Variants in FAM124A observed in about 807,000 individuals in gnomAD.
FAM124A encodes protein FAM124A.
In FAM124A, 23 loss-of-function variants were observed where a neutral mutation model predicts 24.5. The ratio of observed to expected loss-of-function variants is 0.94; its 90% CI spans 0.68 to 1.33. FAM124A has a LOEUF of 1.33. Among genes scored for constraint, FAM124A ranks in the 40% most tolerant of loss-of-function variants. The pLI is 0.00. For synonymous variants in FAM124A, 287 were observed against 314.7 expected, an observed-to-expected ratio of 0.91 and a Z score of 0.93; for missense variants, 623 against 722.8, an observed-to-expected ratio of 0.86 and a Z score of 1.58.
chr13:51,272,249 T>C lies in FAM124A; in HGVS notation c.835-8201T>C, dbSNP rs186875731. On this transcript the variant is annotated intron_variant, in intron 3 of 3. Transcript: ENST00000322475. This position sits in a 1 kb window ranked among gnomAD's most constrained non-coding sequence, Gnocchi z 4.2. ...GGCACAGGAGGTCAGTAGGTTGGCT[T>C]TGGGGGCACACCTCCCCTCTGCTCC... 2.0e-4 allele frequency among the ~76,000 whole-genome samples: 30 copies of C among 152,086 alleles called. No homozygotes were observed. The highest frequency in any genetic ancestry group is 1.9e-3 in the Admixed American group (29 of 15,284).
intron 3 of FAM124A, among the ~76,000 whole-genome samples, chr13:51,266,330 TTTTG>T (rs1330843749): frequency 2.0e-5 from 3 of 152,192 alleles, no homozygotes; most frequent in East Asian, 1.9e-4. Flanking sequence ...TTTTTTTTGT[TTTTG>T]TTTTTTTCTT....
intron 2 of FAM124A, 28 bp downstream of exon 2, chr13:51,231,407 A>G: frequency 1.2e-6 from 2 of 1,613,388 alleles, no homozygotes; most frequent in Non-Finnish European, 1.7e-6. Flanking sequence ...ATCCTTCAGC[A>G]TTGTCTAACG....
At position 51,258,495 on chromosome 13, in the gene FAM124A, A is replaced by G. The variant is rs1217569342; in HGVS notation, c.834+6294A>G. ...GTCTCCGAACCCTCTTCAGACTCTA[A>G]TGTCTGGGTTATTGGGCAGCCCCTT... On this transcript the variant is annotated intron_variant, in intron 3 of 3. Coordinates refer to ENST00000322475, the MANE Select transcript of FAM124A (RefSeq NM_001242312.2). The surrounding 1 kb of genome is among the most constrained non-coding windows in gnomAD (Gnocchi z 4.2). 6.6e-6 allele frequency among the ~76,000 whole-genome samples: 1 copy of G among 152,114 alleles called. No individual in the cohort carries two copies. The highest frequency in any genetic ancestry group is 1.5e-5 in the Non-Finnish European group (1 of 68,032).
rs116312812 is a variant in FAM124A, at chr13:51,250,096, C to T, written c.101-1372C>T. ...AATAGGGTTGGGAAGAAAATTCAGA[C>T]GGGTTTTGATCTGATTAAATTAAAA... On this transcript the variant is annotated intron_variant, in intron 2 of 3. Coordinates refer to ENST00000322475, the MANE Select transcript of FAM124A (RefSeq NM_001242312.2). Among the ~76,000 whole-genome samples the T allele has an allele frequency of 5.3e-3, 811 of 152,278 alleles. 8 individuals carry two copies. The highest frequency in any genetic ancestry group is 0.017 in the African/African-American group (687 of 41,556).
chr13:51,266,386 A>G (rs1954786623), intron 3 of FAM124A, among the ~76,000 whole-genome samples: 1 of 151,990 alleles, frequency 6.6e-6, no homozygotes, highest in African/African-American at 2.4e-5. Context: ...TTTAATGTGC[A>G]TTAGTGACCA....
rs1192930997 is a variant in FAM124A at position 51,222,425 on chromosome 13, C to A, written c.-77C>A. The A allele has an allele frequency of 1.3e-4, 145 of 1,144,400 alleles. No individual in the cohort carries two copies. Among genetic ancestry groups the A allele is most frequent in the Non-Finnish European group, 2.6e-5 (24 of 926,064 alleles). The allele number at this position is 1,144,400 out of a possible 1,614,324, so 70.9% of individuals were successfully genotyped here. On this transcript the variant is annotated 5_prime_UTR_variant, in exon 1 of 4. Transcript: ENST00000322475. ...ACGCTCGGAGGGAGCCCGGCCGGCTCGGACTGGGCGGCCGGGAGGGAGGGC... is the reference window on the plus strand; with the variant it reads ...ACGCTCGGAGGGAGCCCGGCCGGCTAGGACTGGGCGGCCGGGAGGGAGGGC...
rs1302489294 is a variant in FAM124A, at chr13:51,281,943, T to C, written c.*687T>C. On this transcript the variant is annotated 3_prime_UTR_variant, in exon 4 of 4. Coordinates refer to ENST00000322475, the MANE Select transcript of FAM124A (RefSeq NM_001242312.2). Reference sequence around the variant, plus strand: ...ACAGACTCTTGGTGCATTTAAAATATGTGAGTTCCAGAAAGTAGATTTGCA... The same window carrying C: ...ACAGACTCTTGGTGCATTTAAAATACGTGAGTTCCAGAAAGTAGATTTGCA... 1 of 152,226 alleles carries C rather than the reference T, an allele frequency of 6.6e-6. No individual in the cohort carries two copies. Among genetic ancestry groups the C allele is most frequent in the Admixed American group, 6.5e-5 (1 of 15,286 alleles). The allele number at this position is 152,226 out of a possible 1,614,324, so 9.4% of individuals were successfully genotyped here.
intron 2 of FAM124A, among the ~76,000 whole-genome samples, chr13:51,237,337 C>T (rs1328938239): frequency 6.6e-6 from 1 of 152,160 alleles, no homozygotes; most frequent in African/African-American, 2.4e-5. Flanking sequence ...GGAGGAATAT[C>T]ATAGGGTTTT....
Position 51,232,722 on chromosome 13 carries a change from A to ACT in FAM124A, c.100+1356_100+1357dup, listed in dbSNP as rs61148100. Reference sequence around the variant, plus strand: ...CTAAAACCAGAGAAAGCTCAGTTGAACTCTCTCTCTCTCTGTGCCACCATT... The same window carrying ACT: ...CTAAAACCAGAGAAAGCTCAGTTGAACTCTCTCTCTCTCTCTGTGCCACCATT... On this transcript the variant is annotated intron_variant, in intron 2 of 3. Coordinates refer to ENST00000322475, the MANE Select transcript of FAM124A (RefSeq NM_001242312.2). 1.8e-4 allele frequency among the ~76,000 whole-genome samples: 27 copies of ACT among 151,254 alleles called. No homozygotes were observed. In the East Asian group the frequency reaches 3.3e-3, roughly 18 times the overall value.
intron 2 of FAM124A, among the ~76,000 whole-genome samples, chr13:51,247,203 G>A (rs1039326695): frequency 4.6e-5 from 7 of 152,242 alleles, no homozygotes; most frequent in East Asian, 3.9e-4. Context: ...GGGAGCTGCC[G>A]TGGCCACACA....
At chr13:51,228,898 G>A (rs1025604428) in intron 1 of FAM124A, among the ~76,000 whole-genome samples, 8 of 152,186 alleles carry the variant, frequency 5.3e-5, no homozygotes, top group Non-Finnish European at 8.8e-5. Flanking sequence ...ATACCTCATT[G>A]CCGTGTGTTT....
At chr13:51,267,130 G>A (rs1272494473) in intron 3 of FAM124A, among the ~76,000 whole-genome samples, 1 of 152,138 alleles carries the variant, frequency 6.6e-6, no homozygotes, top group Non-Finnish European at 1.5e-5. Flanking sequence ...TCAAATCACT[G>A]TTTACTAAAC....
chr13:51,258,986 G>A lies in FAM124A; in HGVS notation c.834+6785G>A, dbSNP rs1333772388. On this transcript the variant is annotated intron_variant, in intron 3 of 3. Coordinates refer to ENST00000322475, the MANE Select transcript of FAM124A (RefSeq NM_001242312.2). This position sits in a 1 kb window ranked among gnomAD's most constrained non-coding sequence, Gnocchi z 4.2. Reference sequence around the variant, plus strand: ...AGGCACAATGGCCTGGGCAGGACGGGGCCGGGGCAGCCGTCAGGGTTCCGA... The same window carrying A: ...AGGCACAATGGCCTGGGCAGGACGGAGCCGGGGCAGCCGTCAGGGTTCCGA... 6.6e-6 allele frequency among the ~76,000 whole-genome samples: 1 copy of A among 152,168 alleles called. No individual in the cohort carries two copies. Among genetic ancestry groups the A allele is most frequent in the Non-Finnish European group, 1.5e-5 (1 of 68,028 alleles).
Position 51,280,632 on chromosome 13 carries a change from C to T in FAM124A, c.1017C>T (p.His339=). The T allele has an allele frequency of 4.3e-6, 7 of 1,614,082 alleles. No individual in the cohort carries two copies. Among genetic ancestry groups the T allele is most frequent in the South Asian group, 2.2e-5 (2 of 91,064 alleles). Residue 339 remains histidine, a synonymous_variant, in exon 4 of 4, where the codon CAC becomes CAT. Coordinates refer to ENST00000322475, the MANE Select transcript of FAM124A (RefSeq NM_001242312.2). ...TCCGGACAGGCCTGCCTCCTGGGCACCAGCAGGAATTTGCCGGACGAGCCA... is the reference window on the plus strand; with the variant it reads ...TCCGGACAGGCCTGCCTCCTGGGCATCAGCAGGAATTTGCCGGACGAGCCA... ...GPIRTGLPPG[H]QQEFAGRANS...
chr13:51,263,650 C>T (rs540610109), intron 3 of FAM124A, among the ~76,000 whole-genome samples: 9 of 152,226 alleles, frequency 5.9e-5, no homozygotes, highest in Non-Finnish European at 1.0e-4. Flanking sequence ...AGCAAGTCAA[C>T]GGTGCCCCTT....
intron 1 of FAM124A, among the ~76,000 whole-genome samples, chr13:51,227,662 TA>T (rs1954329681): frequency 6.6e-6 from 1 of 152,248 alleles, no homozygotes; most frequent in African/African-American, 2.4e-5. Context: ...GCCAGTGCTT[TA>T]TAATGACTGT....
At chr13:51,262,357 A>C (rs1954745767) in intron 3 of FAM124A, among the ~76,000 whole-genome samples, 1 of 3,312 alleles carries the variant, frequency 3.0e-4, no homozygotes, top group African/African-American at 1.3e-3. Flanking sequence ...AATAAAACCA[A>C]ATTACCCCAA....
chr13:51,239,703 T>C (rs1371051455), intron 2 of FAM124A, among the ~76,000 whole-genome samples: 3 of 152,194 alleles, frequency 2.0e-5, no homozygotes, highest in African/African-American at 4.8e-5. Flanking sequence ...CTGTACTCTT[T>C]AAAGCTTTTG....
chr13:51,253,940 T>G (rs1328017464), intron 3 of FAM124A, among the ~76,000 whole-genome samples: 1 of 152,190 alleles, frequency 6.6e-6, no homozygotes, highest in Non-Finnish European at 1.5e-5. Context: ...AAGGATGCAT[T>G]ACCTCTCCCC....
Sources: gnomAD v4.1 joint callset for allele counts (sites outside exome capture counted in the v4.1 genomes callset) on GRCh38, gnomAD v4.1.1 for gene constraint, Gnocchi (gnomAD v3.1) non-coding constraint, MANE v1.5 for transcripts, NCBI Gene and HGNC (gene_info 2026-07-23, HGNC 2026-07-21) for gene names.